The following TNKS variants were observed in gnomAD, a reference collection of about 807,000 sequenced individuals.
TNKS encodes the protein poly [ADP-ribose] polymerase tankyrase-1.
Under a neutral mutation model 135.8 loss-of-function variants are expected in TNKS, and 72 were observed. The observed-to-expected ratio is 0.53, with a 90% CI of 0.44 to 0.64. TNKS has a LOEUF of 0.64. Ranked by LOEUF, TNKS falls within the 30% of genes least tolerant of loss-of-function variation. The probability of loss-of-function intolerance (pLI) is 0.00; values close to 1 mark genes in which losing one functional copy is unlikely to be tolerated. For synonymous variants in TNKS, 849 were observed against 649.3 expected (o/e 1.31, Z -4.68); for missense variants, 1,769 against 1,674.0 (o/e 1.06, Z -0.99).
chr8:9,655,236 G>A (rs1042461761), intron 3 of TNKS, among the ~76,000 whole-genome samples: 1 of 152,218 alleles, frequency 6.6e-6, no homozygotes, highest in Non-Finnish European at 1.5e-5. Flanking sequence ...GGTAAACAAA[G>A]CAGCCCGGAA....
At chr8:9,760,024 C>G (rs920399588) in intron 20 of TNKS, among the ~76,000 whole-genome samples, 4 of 151,610 alleles carry the variant, frequency 2.6e-5, no homozygotes, top group Admixed American at 2.0e-4. Context: ...TGAGAATTCT[C>G]TAAGTTGAAG....
intron 14 of TNKS, 88 bp downstream of exon 14, chr8:9,731,123 ATTAAAAAAGTAATCGTTATTTTTTG>A: frequency 7.4e-7 from 1 of 1,354,772 alleles, no homozygotes; most frequent in Non-Finnish European, 9.7e-7. Flanking sequence ...TTTTTTCTGT[ATTAAAAAAGTAATCGTTATTTTTTG>A]TTTAAAACAT....
intron 17 of TNKS, among the ~76,000 whole-genome samples, chr8:9,744,069 A>G (rs559903091): frequency 1.3e-5 from 2 of 152,284 alleles, no homozygotes; most frequent in Non-Finnish European, 2.9e-5. Flanking sequence ...CCTTTTTTGT[A>G]TAAAAAGAAC....
At chr8:9,684,494 C>T (rs1802906131) in intron 5 of TNKS, among the ~76,000 whole-genome samples, 1 of 152,028 alleles carries the variant, frequency 6.6e-6, no homozygotes, top group South Asian at 2.1e-4. Flanking sequence ...TTATCCCCTT[C>T]CAAAATAAAT....
intron 20 of TNKS, among the ~76,000 whole-genome samples, chr8:9,758,720 G>T (rs1806982339): frequency 6.6e-6 from 1 of 152,184 alleles, no homozygotes; most frequent in Admixed American, 6.5e-5. Flanking sequence ...CACAGTGTTG[G>T]TTGACTGGCC....
chr8:9,652,667 G>C (rs1801189388), intron 3 of TNKS, among the ~76,000 whole-genome samples: 1 of 151,916 alleles, frequency 6.6e-6, no homozygotes, highest in Non-Finnish European at 1.5e-5. Context: ...TGTCTTCCTG[G>C]TGATTCACAG....
intron 3 of TNKS, among the ~76,000 whole-genome samples, chr8:9,628,081 C>G (rs1405475306): frequency 6.6e-6 from 1 of 152,132 alleles, no homozygotes; most frequent in Admixed American, 6.5e-5. Context: ...AATTTGTTTC[C>G]TGCAGCTATG....
At chr8:9,713,413 T>A (rs1424794460) in intron 11 of TNKS, among the ~76,000 whole-genome samples, 4 of 152,256 alleles carry the variant, frequency 2.6e-5, no homozygotes, top group African/African-American at 7.2e-5. Context: ...CATTTTAGTT[T>A]ATAAAGGTTC....
At chr8:9,661,388 A>G (rs984833573) in intron 3 of TNKS, among the ~76,000 whole-genome samples, 22 of 152,240 alleles carry the variant, frequency 1.4e-4, no homozygotes, top group Admixed American at 1.4e-3. Flanking sequence ...AAACAGAGAT[A>G]GAGACCAATG....
intron 9 of TNKS, among the ~76,000 whole-genome samples, chr8:9,709,211 AG>A (rs2128808874): frequency 6.6e-6 from 1 of 152,272 alleles, no homozygotes; most frequent in Admixed American, 6.5e-5. Context: ...ACAACATTAA[AG>A]GATTGACCAA....
At chr8:9,594,466 C>T (rs1313806169) in intron 2 of TNKS, among the ~76,000 whole-genome samples, 4 of 152,140 alleles carry the variant, frequency 2.6e-5, no homozygotes, top group African/African-American at 4.8e-5. Context: ...TATCGGTTAT[C>T]GTAATGGAGA....
chr8:9,641,326 G>T (rs1324286631), intron 3 of TNKS, among the ~76,000 whole-genome samples: 2 of 141,212 alleles, frequency 1.4e-5, no homozygotes, highest in Non-Finnish European at 3.1e-5. Context: ...CACTTTGATA[G>T]TTGTTCAGTA....
intron 5 of TNKS, among the ~76,000 whole-genome samples, chr8:9,688,796 T>C (rs4840434): frequency 0.62 from 94,634 of 152,008 alleles, 29,870 homozygotes; most frequent in Middle Eastern, 0.72. Flanking sequence ...CCCGCCACCA[T>C]ACCCAGCTAA....
intron 1 of TNKS, among the ~76,000 whole-genome samples, chr8:9,562,072 C>T (rs1445030896): frequency 6.6e-6 from 1 of 152,170 alleles, no homozygotes; most frequent in African/African-American, 2.4e-5. Context: ...CCACCTCAGT[C>T]TCCCAAAGTG....
In TNKS at chr8:9,626,915, C is replaced by T. The variant is rs538690362; in HGVS notation, c.994+11238C>T. The stretch of plus-strand genomic sequence containing the variant: ...ATATTTAGAATCTTCGAAGTCATGT[C>T]TTTTTGTATGCTAATGAGTTTACTG... On this transcript the variant is annotated intron_variant, in intron 3 of 26. Coordinates refer to ENST00000310430, the MANE Select transcript of TNKS (RefSeq NM_003747.3). Among the ~76,000 whole-genome samples, 4 of 152,294 alleles carry T rather than the reference C, an allele frequency of 2.6e-5. No homozygotes were observed. In the South Asian group the frequency reaches 6.2e-4, roughly 24 times the overall value.
At chr8:9,624,162 G>A (rs1799970115) in intron 3 of TNKS, among the ~76,000 whole-genome samples, 1 of 152,130 alleles carries the variant, frequency 6.6e-6, no homozygotes, top group Non-Finnish European at 1.5e-5. Flanking sequence ...ACATATTTGT[G>A]AAGCATGATA....
intron 5 of TNKS, among the ~76,000 whole-genome samples, chr8:9,697,948 G>A (rs1803596405): frequency 6.6e-6 from 1 of 152,116 alleles, no homozygotes; most frequent in Admixed American, 6.5e-5. Context: ...GATACATGAA[G>A]TTGTATGTTC....
intron 3 of TNKS, among the ~76,000 whole-genome samples, chr8:9,629,846 C>G (rs1800216986): frequency 6.6e-6 from 1 of 152,176 alleles, no homozygotes; most frequent in African/African-American, 2.4e-5. Context: ...CCATGCCTGG[C>G]TAATTTTTTG....
At position 9,780,331 on chromosome 8, in the gene TNKS, T is replaced by C. The variant is rs752609665; in HGVS notation, c.*3595T>C. The C allele has an allele frequency of 2.6e-5, 4 of 152,292 alleles. No homozygotes were observed. Among genetic ancestry groups the C allele is most frequent in the South Asian group, 2.1e-4 (1 of 4,828 alleles). 9.4% of individuals were successfully genotyped at this position (152,292 alleles called of 1,614,324 possible). On this transcript the variant is annotated 3_prime_UTR_variant, in exon 27 of 27. Coordinates refer to ENST00000310430, the MANE Select transcript of TNKS (RefSeq NM_003747.3). ...GTGTGATATCTGTGACAAATAGCCTTCTTCTTGTGTTTTCTGTTGGACTAA... is the reference window on the plus strand; with the variant it reads ...GTGTGATATCTGTGACAAATAGCCTCCTTCTTGTGTTTTCTGTTGGACTAA...
Sources: gnomAD v4.1 joint callset for allele counts (sites outside exome capture counted in the v4.1 genomes callset) on GRCh38, gnomAD v4.1.1 for gene constraint, MANE v1.5 for transcripts, NCBI Gene and HGNC (gene_info 2026-07-23, HGNC 2026-07-21) for gene names.